HOXC4: variants seen among roughly 807,000 people sequenced by gnomAD.
The protein encoded by HOXC4 is homeobox protein Hox-C4.
Under a neutral mutation model 25.5 loss-of-function variants are expected in HOXC4, and 15 were observed. That is an observed-to-expected ratio of 0.59 (90% confidence interval 0.39 to 0.91). The LOEUF is 0.91. Among genes scored for constraint, HOXC4 ranks in the 40% least tolerant of loss-of-function variants. HOXC4 has a pLI of 0.00. For missense variants in HOXC4, 342 were observed against 352.4 expected (o/e 0.97, Z 0.24); for synonymous variants, 165 against 148.0 (o/e 1.11, Z -0.83).
intron 1 of HOXC4, among the ~76,000 whole-genome samples, chr12:54,029,148 G>T (rs914597343): frequency 6.6e-6 from 1 of 152,154 alleles, no homozygotes; most frequent in Non-Finnish European, 1.5e-5. Flanking sequence ...CCCAAGGCGG[G>T]CTGAGGGGGC....
rs1565750575 is a variant in HOXC4, at chr12:54,043,968, T to TGTGTG, written c.-123-9192_-123-9191insGTGTG. ...TGTGTGTGTGTGTGTGTGTGTGTGT[T>TGTGTG]TAGGGAGTAGTAAGGGTCAGGTCTT... On this transcript the variant is annotated intron_variant, in intron 1 of 3. Transcript: ENST00000303406. Among the ~76,000 whole-genome samples the TGTGTG allele has an allele frequency of 5.9e-3, 356 of 60,494 alleles. 3 individuals are homozygous for TGTGTG. The highest frequency in any genetic ancestry group is 9.9e-3 in the Admixed American group (73 of 7,392). 39.7% of individuals were successfully genotyped at this position (60,494 alleles called of 152,430 possible). A position where few individuals can be genotyped will look rare whatever the true frequency, so the allele number is the denominator to read the frequency against.
intron 1 of HOXC4, chr12:54,028,651 G>A (rs370829959): frequency 5.1e-5 from 83 of 1,613,904 alleles, no homozygotes; most frequent in Non-Finnish European, 6.2e-5. Flanking sequence ...TGGAGCGGCC[G>A]TTGCCCAGAA....
chr12:54,050,480 A>G (rs1347423339), upstream of HOXC4, among the ~76,000 whole-genome samples: 2 of 152,252 alleles, frequency 1.3e-5, no homozygotes, highest in Non-Finnish European at 2.9e-5. Flanking sequence ...GGGAGGCAGG[A>G]GGGTGAAACA....
intron 1 of HOXC4, 136 bp from the exon 2 acceptor site, chr12:54,054,714 A>T: frequency 1.6e-6 from 1 of 635,748 alleles, no homozygotes; most frequent in Non-Finnish European, 2.8e-6. Flanking sequence ...CAACTTCTTT[A>T]TAACCCATTT....
intron 1 of HOXC4, 22 bp downstream of exon 1, chr12:54,054,383 TCCC>T: frequency 2.0e-6 from 3 of 1,468,100 alleles, no homozygotes; most frequent in Non-Finnish European, 2.7e-6. Flanking sequence ...TGCTTTTTGC[TCCC>T]CCCCTCCCTC....
At chr12:54,031,329 AAG>A (rs955086391) in intron 1 of HOXC4, among the ~76,000 whole-genome samples, 3 of 152,202 alleles carry the variant, frequency 2.0e-5, no homozygotes, top group African/African-American at 7.2e-5. Flanking sequence ...AGCGGAGGGA[AAG>A]AGAAGACCGC....
chr12:54,032,555 G>T (rs112940241), intron 1 of HOXC4, among the ~76,000 whole-genome samples: 153 of 152,370 alleles, frequency 1.0e-3, no homozygotes, highest in African/African-American at 3.6e-3. Flanking sequence ...GAGGTTGGGA[G>T]AACGGGACTT....
intron 1 of HOXC4, chr12:54,034,130 C>T: frequency 1.3e-6 from 1 of 788,108 alleles, no homozygotes; most frequent in Non-Finnish European, 2.2e-6. Context: ...CTGGGCTGGG[C>T]TGGCCCGCCT....
intron 1 of HOXC4, 73 bp downstream of exon 1, chr12:54,054,434 T>A: frequency 2.5e-6 from 2 of 803,532 alleles, no homozygotes; most frequent in Non-Finnish European, 3.4e-6. Context: ...CTCGGCCCCC[T>A]CTGGCCCCCG....
chr12:54,029,801 C>A (rs753193612), intron 1 of HOXC4: 1 of 1,613,890 alleles, frequency 6.2e-7, no homozygotes, highest in Non-Finnish European at 8.5e-7. Context: ...CCTGACCGAG[C>A]GACAGATCAA....
chr12:54,020,776 C>T (rs915610740), intron 1 of HOXC4: 1 of 152,178 alleles, frequency 6.6e-6, no homozygotes, highest in African/African-American at 2.4e-5. Flanking sequence ...TCACTGGAAT[C>T]GGAGTATGCG....
At chr12:54,028,663 C>A in intron 1 of HOXC4, 1 of 1,614,078 alleles carries the variant, frequency 6.2e-7, no homozygotes, top group Non-Finnish European at 8.5e-7. Flanking sequence ...TGCCCAGAAC[C>A]GGATCTACTC....
At chr12:54,038,872 G>A (rs1941228592) in intron 1 of HOXC4, among the ~76,000 whole-genome samples, 1 of 152,086 alleles carries the variant, frequency 6.6e-6, no homozygotes, top group Non-Finnish European at 1.5e-5. Context: ...TAGCCCCTCG[G>A]GGATGGAGCT....
At chr12:54,019,426 G>T (rs941565128) in intron 1 of HOXC4, among the ~76,000 whole-genome samples, 1 of 152,162 alleles carries the variant, frequency 6.6e-6, no homozygotes, top group African/African-American at 2.4e-5. Flanking sequence ...AGGGAGTGCG[G>T]TGGGACACAA....
intron 1 of HOXC4, among the ~76,000 whole-genome samples, chr12:54,031,027 C>A (rs180933959): frequency 1.3e-5 from 2 of 152,350 alleles, no homozygotes; most frequent in Admixed American, 6.5e-5. Context: ...GGGCTCCCTG[C>A]GCGGAGCAAC....
At chr12:54,018,518 T>C (rs1466777022) in intron 1 of HOXC4, among the ~76,000 whole-genome samples, 1 of 152,220 alleles carries the variant, frequency 6.6e-6, no homozygotes, top group Non-Finnish European at 1.5e-5. Flanking sequence ...GGGATCTCTC[T>C]AATAATTGGT....
At chr12:54,034,376 C>A in intron 1 of HOXC4, 1 of 1,614,162 alleles carries the variant, frequency 6.2e-7, no homozygotes, top group Non-Finnish European at 8.5e-7. Flanking sequence ...TCGCCGCAGG[C>A]GCATAGAGAT....
chr12:54,029,702 C>T, intron 1 of HOXC4: 1 of 1,614,080 alleles, frequency 6.2e-7, no homozygotes, highest in Non-Finnish European at 8.5e-7. Flanking sequence ...GATCTACTCG[C>T]GGTACCAGAC....
intron 1 of HOXC4, chr12:54,033,112 C>T: frequency 6.3e-7 from 1 of 1,588,276 alleles, no homozygotes; most frequent in Non-Finnish European, 8.6e-7. Context: ...TTTTTTTGGG[C>T]CCTCCCCGCC....
Sources: allele counts gnomAD v4.1 joint callset (sites outside exome capture counted in the v4.1 genomes callset), GRCh38; gene constraint gnomAD v4.1.1; transcripts MANE v1.5; gene names NCBI Gene and HGNC (gene_info 2026-07-23, HGNC 2026-07-21).